The following ADAMTS12 variants were observed in gnomAD, a reference collection of about 807,000 sequenced individuals.
ADAMTS12 encodes the protein A disintegrin and metalloproteinase with thrombospondin motifs 12.
Under a neutral mutation model 167.8 loss-of-function variants are expected in ADAMTS12, and 118 were observed. The ratio of observed to expected loss-of-function variants is 0.70; its 90% CI spans 0.61 to 0.82. The LOEUF is 0.82. Among genes scored for constraint, ADAMTS12 ranks in the 40% least tolerant of loss-of-function variants. The pLI, the probability that ADAMTS12 is intolerant of heterozygous loss-of-function variation, is 0.00. For synonymous variants in ADAMTS12, 704 were observed against 716.9 expected, an observed-to-expected ratio of 0.98 and a Z score of 0.29; for missense variants, 1,916 against 1,998.8, an observed-to-expected ratio of 0.96 and a Z score of 0.79.
chr5:33,860,437 A>G (rs779663775), intron 2 of ADAMTS12, among the ~76,000 whole-genome samples: 2 of 152,236 alleles, frequency 1.3e-5, no homozygotes, highest in African/African-American at 2.4e-5. Context: ...AACTTAATGA[A>G]TAAAGTGTGA....
At chr5:33,555,395 CTG>C (rs1446488390) in intron 20 of ADAMTS12, among the ~76,000 whole-genome samples, 2 of 152,138 alleles carry the variant, frequency 1.3e-5, no homozygotes, top group Non-Finnish European at 2.9e-5. Context: ...CAGGCATGTG[CTG>C]TACCAAGCCG....
chr5:33,678,238 C>T (rs1485380012), intron 5 of ADAMTS12, among the ~76,000 whole-genome samples: 1 of 152,166 alleles, frequency 6.6e-6, no homozygotes, highest in Non-Finnish European at 1.5e-5. Context: ...CCACAAGGCC[C>T]ACAGCAACTT....
At chr5:33,864,965 G>A (rs905708205) in intron 2 of ADAMTS12, among the ~76,000 whole-genome samples, 6 of 151,750 alleles carry the variant, frequency 4.0e-5, no homozygotes, top group African/African-American at 9.7e-5. Flanking sequence ...TTCTGCACAC[G>A]TATCCCAGAA....
At chr5:33,882,601 TG>T (rs1750488048) in intron 1 of ADAMTS12, among the ~76,000 whole-genome samples, 2 of 152,216 alleles carry the variant, frequency 1.3e-5, no homozygotes, top group Non-Finnish European at 2.9e-5. Context: ...TGTTTTGTAT[TG>T]TTTTTTGAGA....
chr5:33,719,224 T>A (rs1030802037), intron 3 of ADAMTS12, among the ~76,000 whole-genome samples: 2 of 152,118 alleles, frequency 1.3e-5, no homozygotes, highest in African/African-American at 4.8e-5. Flanking sequence ...CTGCAAAGTA[T>A]GCAAAATATA....
chr5:33,752,152 T>C (rs1206485156), intron 2 of ADAMTS12, among the ~76,000 whole-genome samples: 1 of 152,200 alleles, frequency 6.6e-6, no homozygotes, highest in Non-Finnish European at 1.5e-5. Flanking sequence ...ATTTCACAGA[T>C]ATGAAAATCA....
chr5:33,765,753 C>T (rs1220228029), intron 2 of ADAMTS12, among the ~76,000 whole-genome samples: 2 of 151,960 alleles, frequency 1.3e-5, no homozygotes, highest in South Asian at 4.2e-4. Context: ...CTCTTTTATG[C>T]TTTTTTCTAC....
intron 16 of ADAMTS12, among the ~76,000 whole-genome samples, chr5:33,610,308 G>C (rs1420001423): frequency 6.6e-6 from 1 of 152,186 alleles, no homozygotes; most frequent in Non-Finnish European, 1.5e-5. Context: ...ATCTTGGAAT[G>C]AGACACCATA....
chr5:33,695,349 T>C (rs1333635772), intron 3 of ADAMTS12, among the ~76,000 whole-genome samples: 2 of 152,222 alleles, frequency 1.3e-5, no homozygotes, highest in Non-Finnish European at 2.9e-5. Flanking sequence ...TTTTATCAAG[T>C]ATTTTTTCAT....
At chr5:33,610,129 C>T (rs953558401) in intron 16 of ADAMTS12, among the ~76,000 whole-genome samples, 3 of 152,042 alleles carry the variant, frequency 2.0e-5, no homozygotes, top group African/African-American at 7.3e-5. Flanking sequence ...TGCGGTGAGC[C>T]GAGATTGAGC....
chr5:33,560,292 G>A (rs1051173616), intron 20 of ADAMTS12, among the ~76,000 whole-genome samples: 7 of 152,124 alleles, frequency 4.6e-5, no homozygotes, highest in Non-Finnish European at 8.8e-5. Flanking sequence ...TAAAAGGGCA[G>A]CAGAAAGGTA....
chr5:33,645,348 T>C (rs555649433), intron 9 of ADAMTS12, among the ~76,000 whole-genome samples: 4 of 152,268 alleles, frequency 2.6e-5, no homozygotes, highest in African/African-American at 9.6e-5. Context: ...GATGCTTCTC[T>C]GTCATCTCTC....
At chr5:33,884,939 G>A (rs1028193499) in intron 1 of ADAMTS12, among the ~76,000 whole-genome samples, 4 of 152,118 alleles carry the variant, frequency 2.6e-5, no homozygotes, top group Admixed American at 2.0e-4. Flanking sequence ...GAGCACGAAC[G>A]AAAAGCAATC....
chr5:33,625,296 A>G (rs1739530989), intron 13 of ADAMTS12, among the ~76,000 whole-genome samples: 1 of 151,580 alleles, frequency 6.6e-6, no homozygotes, highest in Non-Finnish European at 1.5e-5. Context: ...TTAAGTGCTA[A>G]GAGATTTAAA....
rs923118908 is a variant in ADAMTS12 at position 33,637,667 on chromosome 5, C to G, written c.1798G>C (p.Ala600Pro). Residue 600 changes from alanine (A) to proline (P), a missense_variant, in exon 12 of 24, where the codon GCA becomes CCA. Transcript: ENST00000504830. The stretch of plus-strand genomic sequence containing the variant: ...CACTGCATCTGCCGAAATGTTGGTG[C>G]CTCTGAGCGACAGGGGTGGACGTTG... ...LCNVHPCRSE[A>P]PTFRQMQCSE... The G allele has an allele frequency of 1.1e-5, 17 of 1,613,648 alleles. No homozygotes were observed. The East Asian group carries it at 3.8e-4, about 36-fold the overall frequency.
intron 20 of ADAMTS12, among the ~76,000 whole-genome samples, chr5:33,557,939 C>T (rs1745559132): frequency 6.6e-6 from 1 of 151,966 alleles, no homozygotes; most frequent in Non-Finnish European, 1.5e-5. Context: ...ATATAGGTTG[C>T]ACACTTCTTA....
intron 2 of ADAMTS12, among the ~76,000 whole-genome samples, chr5:33,857,272 G>C (rs752452504): frequency 6.6e-6 from 1 of 152,140 alleles, no homozygotes; most frequent in Non-Finnish European, 1.5e-5. Context: ...AGCGGGAAAT[G>C]GGGAGATGTT....
intron 18 of ADAMTS12, among the ~76,000 whole-genome samples, chr5:33,579,225 T>G (rs1746925341): frequency 6.6e-6 from 1 of 152,234 alleles, no homozygotes; most frequent in Non-Finnish European, 1.5e-5. Context: ...TAATCTGAAC[T>G]TCTTGGATTT....
chr5:33,872,732 A>G (rs1750087499), intron 2 of ADAMTS12, among the ~76,000 whole-genome samples: 1 of 152,220 alleles, frequency 6.6e-6, no homozygotes, highest in Admixed American at 6.5e-5. Flanking sequence ...CATTTCAGGC[A>G]GGACACATAA....
Sources: allele counts gnomAD v4.1 joint callset (sites outside exome capture counted in the v4.1 genomes callset), GRCh38; gene constraint gnomAD v4.1.1; transcripts MANE v1.5; gene names NCBI Gene and HGNC (gene_info 2026-07-23, HGNC 2026-07-21).